The following ATP10A variants were observed in gnomAD, a reference collection of about 807,000 sequenced individuals.
ATP10A encodes the protein phospholipid-transporting ATPase VA.
ATP10A carries 111 observed loss-of-function variants against 147.8 expected under a neutral mutation model. The observed-to-expected ratio is 0.75, with a 90% CI of 0.64 to 0.88. ATP10A has a LOEUF of 0.88. Among genes scored for constraint, ATP10A ranks in the 40% least tolerant of loss-of-function variants. ATP10A has a pLI of 0.00. For synonymous variants in ATP10A, 875 were observed against 841.6 expected (o/e 1.04, Z -0.69); for missense variants, 1,927 against 1,959.0 (o/e 0.98, Z 0.31).
chr15:25,827,502 A>C (rs2084004), intron 1 of ATP10A, among the ~76,000 whole-genome samples: 141,947 of 152,268 alleles, frequency 0.93, 66,715 homozygotes, highest in Non-Finnish European at 1. Flanking sequence ...CAACACCAGC[A>C]CAGTGGAGGG....
Position 25,839,616 on chromosome 15 carries a change from C to G in ATP10A, c.449+23032G>C, listed in dbSNP as rs1026958064. Among the ~76,000 whole-genome samples the G allele has an allele frequency of 3.9e-5, 6 of 152,212 alleles. No homozygotes were observed. The South Asian group carries it at 1.2e-3, about 32-fold the overall frequency. On this transcript the variant is annotated intron_variant, in intron 1 of 20. Coordinates refer to ENST00000555815, the MANE Select transcript of ATP10A (RefSeq NM_024490.4). The stretch of plus-strand genomic sequence containing the variant: ...AACCTCACATTCCCACCACTGGGCA[C>G]TCCGTTGGCAGGAGCCCCACCTGGG...
intron 12 of ATP10A, among the ~76,000 whole-genome samples, chr15:25,704,659 T>C (rs536350561): frequency 3.3e-5 from 5 of 152,278 alleles, no homozygotes; most frequent in Admixed American, 6.5e-5. Context: ...CAGAATAGCA[T>C]TGAACTGAAA....
chr15:25,831,321 C>T (rs893959061), intron 1 of ATP10A, among the ~76,000 whole-genome samples: 8 of 152,228 alleles, frequency 5.3e-5, no homozygotes, highest in African/African-American at 1.9e-4. Context: ...TGTGTTTGTG[C>T]TACCTCAGAA....
chr15:25,774,948 C>A (rs1209827092), intron 2 of ATP10A, among the ~76,000 whole-genome samples: 1 of 152,124 alleles, frequency 6.6e-6, no homozygotes, highest in East Asian at 1.9e-4. Context: ...ACAAAAATGT[C>A]TCAGTATAAA....
intron 13 of ATP10A, 41 bp downstream of exon 13, chr15:25,701,875 A>T: frequency 6.5e-7 from 1 of 1,529,838 alleles, no homozygotes; most frequent in Non-Finnish European, 8.8e-7. Context: ...AACATGGACC[A>T]CCCCAGGGGA....
chr15:25,680,708 G>A (rs1308162232), intron 19 of ATP10A, 102 bp downstream of exon 19: 4 of 1,084,798 alleles, frequency 3.7e-6, no homozygotes, highest in South Asian at 2.6e-5. Flanking sequence ...GCAGTCTCCT[G>A]TCTACTCAAA....
upstream of ATP10A, chr15:25,863,340 C>T (rs929860698): frequency 1.2e-5 from 2 of 163,624 alleles, no homozygotes; most frequent in African/African-American, 4.8e-5. Context: ...GCGGGTGCCG[C>T]ACAGAGCCCC....
At chr15:25,733,731 T>C (rs12440900) in intron 3 of ATP10A, among the ~76,000 whole-genome samples, 17,520 of 152,234 alleles carry the variant, frequency 0.12, 2,232 homozygotes, top group African/African-American at 0.27. Context: ...ATGGTGCCTG[T>C]GCCCAGGCCA....
intron 1 of ATP10A, among the ~76,000 whole-genome samples, chr15:25,793,485 AGTGCTCATT>A (rs1890528327): frequency 6.6e-6 from 1 of 152,092 alleles, no homozygotes; most frequent in Non-Finnish European, 1.5e-5. Context: ...TCCCCTTCTA[AGTGCTCATT>A]GTGCTCCCTG....
downstream of ATP10A, among the ~76,000 whole-genome samples, chr15:25,675,210 C>G (rs1266525428): frequency 6.6e-6 from 1 of 152,148 alleles, no homozygotes; most frequent in East Asian, 1.9e-4. Context: ...TGAGCCATGT[C>G]GTACACTTTC....
chr15:25,849,835 ATT>A (rs963926695), intron 1 of ATP10A, among the ~76,000 whole-genome samples: 1 of 149,584 alleles, frequency 6.7e-6, no homozygotes, highest in African/African-American at 2.5e-5. Flanking sequence ...AAAAGCAATG[ATT>A]TTCTTTCCAA....
At chr15:25,748,369 T>C (rs1221488107) in intron 2 of ATP10A, among the ~76,000 whole-genome samples, 1 of 152,124 alleles carries the variant, frequency 6.6e-6, no homozygotes, top group Non-Finnish European at 1.5e-5. Flanking sequence ...AAAATCAATG[T>C]CATTAGATAC....
In ATP10A at chr15:25,727,188, G is replaced by A. The variant is rs767281348; in HGVS notation, c.819C>T (p.Asp273=). The A allele has an allele frequency of 1.9e-6, 3 of 1,613,580 alleles. No homozygotes were observed. Among genetic ancestry groups the A allele is most frequent in the South Asian group, 1.1e-5 (1 of 90,996 alleles). ...CGTAGATGACAATGCCGACGACTGC[G>A]TCCGTGTTCCTAAGGGTGCAGCCCC... ...LLRGCTLRNT[D]AVVGIVIYAG... Residue 273 remains aspartate (D), a synonymous_variant, in exon 4 of 21, where the codon GAC becomes GAT. Transcript: ENST00000555815.
chr15:25,766,843 A>G lies in ATP10A; in HGVS notation c.654+14176T>C, dbSNP rs567570567. On this transcript the variant is annotated intron_variant, in intron 2 of 20. Coordinates refer to ENST00000555815, the MANE Select transcript of ATP10A (RefSeq NM_024490.4). The stretch of plus-strand genomic sequence containing the variant: ...CTTGAGAAGGCACCAGTCCCAAAAA[A>G]CTCCCGAAAAATACTCTAATCGGGG... Among the ~76,000 whole-genome samples, 38 of 146,498 alleles carry G rather than the reference A, an allele frequency of 2.6e-4. No individual in the cohort carries two copies. The South Asian group carries it at 5.9e-3, about 23-fold the overall frequency.
chr15:25,759,319 G>C (rs968077856), intron 2 of ATP10A, among the ~76,000 whole-genome samples: 1 of 152,152 alleles, frequency 6.6e-6, no homozygotes, highest in African/African-American at 2.4e-5. Context: ...AAAATGGAAG[G>C]TTTAAGCAAG....
chr15:25,676,276 G>A (rs1413857106), downstream of ATP10A, among the ~76,000 whole-genome samples: 2 of 152,240 alleles, frequency 1.3e-5, no homozygotes, highest in East Asian at 1.9e-4. Context: ...TCAGGGAGCC[G>A]GGACCCTCTC....
intron 2 of ATP10A, 32 bp from the exon 3 acceptor site, chr15:25,736,173 T>C: frequency 6.3e-7 from 1 of 1,591,732 alleles, no homozygotes. Flanking sequence ...ATTAGAGAAA[T>C]CCGGGCTCAG....
intron 1 of ATP10A, among the ~76,000 whole-genome samples, chr15:25,811,292 G>A (rs1891419514): frequency 2.0e-5 from 3 of 152,172 alleles, no homozygotes. Flanking sequence ...GAGTGAGTGA[G>A]AGGAAAGAGG....
At chr15:25,819,046 A>G (rs1891776923) in intron 1 of ATP10A, among the ~76,000 whole-genome samples, 3 of 152,198 alleles carry the variant, frequency 2.0e-5, no homozygotes, top group Non-Finnish European at 4.4e-5. Flanking sequence ...GAAGACCTCA[A>G]AAGCACAAGC....
Sources: gnomAD v4.1 joint callset for allele counts (sites outside exome capture counted in the v4.1 genomes callset) on GRCh38, gnomAD v4.1.1 for gene constraint, MANE v1.5 for transcripts, NCBI Gene and HGNC (gene_info 2026-07-23, HGNC 2026-07-21) for gene names.